GPC5: variants seen among roughly 807,000 people sequenced by gnomAD.
GPC5 encodes glypican-5.
In GPC5, 47 loss-of-function variants were observed where a neutral mutation model predicts 53.9. That is an observed-to-expected ratio of 0.87 (90% CI 0.69 to 1.11). The LOEUF is 1.11. Among genes scored for constraint, GPC5 ranks in the 50% most tolerant of loss-of-function variants. The pLI, the probability that GPC5 is intolerant of heterozygous loss-of-function variation, is 0.00. For synonymous variants in GPC5, 286 were observed against 263.3 expected, an observed-to-expected ratio of 1.09 and a Z score of -0.84; for missense variants, 748 against 713.1, an observed-to-expected ratio of 1.05 and a Z score of -0.56.
At chr13:92,702,129 C>CTTAG (rs1887766878) in intron 7 of GPC5, among the ~76,000 whole-genome samples, 1 of 152,108 alleles carries the variant, frequency 6.6e-6, no homozygotes, top group African/African-American at 2.4e-5. Flanking sequence ...TGGCATGGTC[C>CTTAG]TTAGTTACCT....
chr13:91,855,319 C>T lies in GPC5; in HGVS notation c.1281-52618C>T, dbSNP rs557079820. Among the ~76,000 whole-genome samples the T allele has an allele frequency of 3.3e-5, 5 of 151,766 alleles. No homozygotes were observed. The South Asian group carries it at 1.0e-3, about 31-fold the overall frequency. ...TCTTGAGAGAATAGTCATATCTAAG[C>T]AACGAAATTTTGTTTAATCTACCTT... On this transcript the variant is annotated intron_variant, in intron 5 of 7. Coordinates refer to ENST00000377067, the MANE Select transcript of GPC5 (RefSeq NM_004466.6).
chr13:92,005,157 CT>C (rs2040594942), intron 6 of GPC5, among the ~76,000 whole-genome samples: 1 of 152,164 alleles, frequency 6.6e-6, no homozygotes, highest in Admixed American at 6.5e-5. Context: ...CACAAATCCC[CT>C]TTGTTTGCAA....
intron 7 of GPC5, among the ~76,000 whole-genome samples, chr13:92,640,370 C>T (rs1418929589): frequency 6.6e-6 from 1 of 152,108 alleles, no homozygotes; most frequent in African/African-American, 2.4e-5. Context: ...CGCCATTCTC[C>T]TGCCTCAGCC....
chr13:92,037,954 G>A (rs1351919680), intron 6 of GPC5, among the ~76,000 whole-genome samples: 1 of 152,060 alleles, frequency 6.6e-6, no homozygotes, highest in Non-Finnish European at 1.5e-5. Context: ...GATCGTTCTG[G>A]CTGCTTTGAT....
At chr13:91,549,810 G>A (rs1023249080) in intron 2 of GPC5, among the ~76,000 whole-genome samples, 37 of 152,160 alleles carry the variant, frequency 2.4e-4, no homozygotes, top group African/African-American at 8.4e-4. Flanking sequence ...TTGCTGGTGG[G>A]AATGCAAAAT....
intron 7 of GPC5, among the ~76,000 whole-genome samples, chr13:92,182,476 C>A (rs1016973075): frequency 1.3e-5 from 2 of 152,144 alleles, no homozygotes; most frequent in African/African-American, 4.8e-5. Flanking sequence ...TTTATTAAGA[C>A]ATCTGATGGG....
chr13:92,818,877 G>T (rs1877578987), intron 7 of GPC5, among the ~76,000 whole-genome samples: 1 of 151,974 alleles, frequency 6.6e-6, no homozygotes, highest in Non-Finnish European at 1.5e-5. Context: ...GGCAAATACA[G>T]TTCTTTCTAA....
At chr13:92,503,334 A>T (rs1880256966) in intron 7 of GPC5, among the ~76,000 whole-genome samples, 1 of 151,814 alleles carries the variant, frequency 6.6e-6, no homozygotes, top group Admixed American at 6.6e-5. Flanking sequence ...AAATTAGAAT[A>T]CATACTGAAC....
At chr13:92,295,118 C>T (rs980060782) in intron 7 of GPC5, among the ~76,000 whole-genome samples, 3 of 152,086 alleles carry the variant, frequency 2.0e-5, no homozygotes, top group African/African-American at 7.2e-5. Context: ...GTGTGAGCCA[C>T]CATGCCCGGC....
intron 2 of GPC5, among the ~76,000 whole-genome samples, chr13:91,615,589 A>G (rs781621016): frequency 6.6e-6 from 1 of 152,138 alleles, no homozygotes; most frequent in Non-Finnish European, 1.5e-5. Context: ...AGGCAGGTGA[A>G]TTGACAGTTA....
At chr13:92,809,143 A>G (rs1261256966) in intron 7 of GPC5, among the ~76,000 whole-genome samples, 1 of 152,128 alleles carries the variant, frequency 6.6e-6, no homozygotes, top group African/African-American at 2.4e-5. Context: ...AGAAGAATGG[A>G]CAGTTACTCT....
chr13:92,794,087 A>G (rs901564669), intron 7 of GPC5, among the ~76,000 whole-genome samples: 4 of 152,178 alleles, frequency 2.6e-5, no homozygotes, highest in Admixed American at 6.6e-5. Context: ...ACAAAAAAAG[A>G]GAATTTTAGA....
chr13:91,680,123 C>T (rs182659647), intron 2 of GPC5, among the ~76,000 whole-genome samples: 15 of 152,220 alleles, frequency 9.9e-5, no homozygotes, highest in Admixed American at 6.5e-4. Flanking sequence ...AAACTTACAT[C>T]CATCACCATG....
chr13:92,257,546 A>AT (rs398023955), intron 7 of GPC5, among the ~76,000 whole-genome samples: 2,427 of 72,898 alleles, frequency 0.033, 176 homozygotes, highest in African/African-American at 0.082. Context: ...TAATACAGGG[A>AT]TTTTTTTTTT....
At chr13:92,172,781 G>A (rs950936934) in intron 7 of GPC5, among the ~76,000 whole-genome samples, 34 of 152,078 alleles carry the variant, frequency 2.2e-4, no homozygotes, top group African/African-American at 7.7e-4. Flanking sequence ...CATTGAAACT[G>A]GAAATGTGCA....
chr13:92,328,137 G>C (rs1319956204), intron 7 of GPC5, among the ~76,000 whole-genome samples: 1 of 152,168 alleles, frequency 6.6e-6, no homozygotes, highest in African/African-American at 2.4e-5. Flanking sequence ...CTTGAGAATA[G>C]GAAATAGGAC....
chr13:92,525,159 T>A (rs1881223860), intron 7 of GPC5, among the ~76,000 whole-genome samples: 1 of 152,038 alleles, frequency 6.6e-6, no homozygotes, highest in Non-Finnish European at 1.5e-5. Flanking sequence ...CCATTGATTT[T>A]CTTCAGTCAT....
intron 2 of GPC5, among the ~76,000 whole-genome samples, chr13:91,663,633 A>T (rs1283339281): frequency 1.4e-5 from 2 of 146,010 alleles, no homozygotes; most frequent in South Asian, 2.2e-4. Context: ...AATTAAAAAC[A>T]TTTTTTTTTT....
At chr13:92,430,870 G>T (rs1877053946) in intron 7 of GPC5, among the ~76,000 whole-genome samples, 1 of 151,898 alleles carries the variant, frequency 6.6e-6, no homozygotes, top group African/African-American at 2.4e-5. Context: ...CAAATGTAAA[G>T]CTTTACATTT....
Sources: allele counts gnomAD v4.1 joint callset (sites outside exome capture counted in the v4.1 genomes callset), GRCh38; gene constraint gnomAD v4.1.1; transcripts MANE v1.5; gene names NCBI Gene and HGNC (gene_info 2026-07-23, HGNC 2026-07-21).